DPP6: variants seen among roughly 807,000 people sequenced by gnomAD.
The protein encoded by DPP6 is dipeptidyl peptidase like 6.
In DPP6, 69 loss-of-function variants were observed where a neutral mutation model predicts 122.6. The ratio of observed to expected loss-of-function variants is 0.56; its 90% CI spans 0.46 to 0.69. DPP6 has a LOEUF of 0.69. DPP6 is among the 30% of genes least tolerant of loss of function. The pLI is 0.00. For missense variants in DPP6, 928 were observed against 1,116.9 expected, an observed-to-expected ratio of 0.83 and a Z score of 2.41; for synonymous variants, 418 against 433.1, an observed-to-expected ratio of 0.97 and a Z score of 0.43.
intron 1 of DPP6, among the ~76,000 whole-genome samples, chr7:153,912,237 G>C (rs1800122014): frequency 6.6e-6 from 1 of 152,196 alleles, no homozygotes. Context: ...TTTTTAAGGA[G>C]CTTTATTGGA....
At chr7:154,647,755 G>A (rs1262530569) in intron 6 of DPP6, among the ~76,000 whole-genome samples, 1 of 152,150 alleles carries the variant, frequency 6.6e-6, no homozygotes, top group Non-Finnish European at 1.5e-5. Flanking sequence ...TTTTAATTTT[G>A]GCTGTTGATC....
intron 7 of DPP6, among the ~76,000 whole-genome samples, chr7:154,680,807 A>G (rs1361002351): frequency 6.6e-6 from 1 of 152,140 alleles, no homozygotes. Context: ...CGCTTTTTGC[A>G]GAGAATCCAA....
chr7:154,314,598 A>AC (rs1807267032), intron 1 of DPP6, among the ~76,000 whole-genome samples: 1 of 152,222 alleles, frequency 6.6e-6, no homozygotes, highest in South Asian at 2.1e-4. Flanking sequence ...GTGTCAGCAG[A>AC]GCCCCAGGGC....
intron 1 of DPP6, among the ~76,000 whole-genome samples, chr7:154,216,393 T>C (rs4336525): frequency 0.032 from 4,870 of 152,282 alleles, 246 homozygotes; most frequent in African/African-American, 0.11. Context: ...GGTGTGGTCA[T>C]GTAGCCATCA....
At chr7:154,036,599 G>A (rs1372101435) in intron 1 of DPP6, among the ~76,000 whole-genome samples, 1 of 151,818 alleles carries the variant, frequency 6.6e-6, no homozygotes, top group Non-Finnish European at 1.5e-5. Context: ...TGGTGCACGG[G>A]CACATCATAC....
At chr7:154,003,204 C>T (rs1484148850) in intron 1 of DPP6, among the ~76,000 whole-genome samples, 5 of 152,164 alleles carry the variant, frequency 3.3e-5, no homozygotes, top group South Asian at 2.1e-4. Context: ...TTCTTATCAA[C>T]GTCGGTGACC....
chr7:154,410,425 AT>A (rs1235780821), intron 1 of DPP6, among the ~76,000 whole-genome samples: 1 of 152,262 alleles, frequency 6.6e-6, no homozygotes, highest in African/African-American at 2.4e-5. Context: ...TCAGTATTTC[AT>A]CAGGTATAAA....
chr7:154,497,530 A>G (rs1319925929), intron 3 of DPP6, among the ~76,000 whole-genome samples: 1 of 151,740 alleles, frequency 6.6e-6, no homozygotes, highest in Non-Finnish European at 1.5e-5. Flanking sequence ...AATCATTTGA[A>G]CTCGGGAGGT....
intron 1 of DPP6, among the ~76,000 whole-genome samples, chr7:154,066,323 G>A (rs1802721097): frequency 6.6e-6 from 1 of 152,312 alleles, no homozygotes; most frequent in African/African-American, 2.4e-5. Flanking sequence ...GCCTCCCAAA[G>A]TGTTGGGATT....
intron 7 of DPP6, among the ~76,000 whole-genome samples, chr7:154,688,053 G>T (rs1334194330): frequency 6.6e-6 from 1 of 152,168 alleles, no homozygotes; most frequent in Non-Finnish European, 1.5e-5. Flanking sequence ...AACACCACAC[G>T]TTCTTACTAC....
chr7:154,534,674 C>A (rs1457471438), intron 3 of DPP6, among the ~76,000 whole-genome samples: 1 of 152,080 alleles, frequency 6.6e-6, no homozygotes, highest in Non-Finnish European at 1.5e-5. Context: ...AATTCAACAT[C>A]TGTACATGAA....
At chr7:154,586,646 G>A (rs1437892363) in intron 5 of DPP6, among the ~76,000 whole-genome samples, 2 of 152,222 alleles carry the variant, frequency 1.3e-5, no homozygotes, top group Non-Finnish European at 2.9e-5. Flanking sequence ...GATTAGCTAA[G>A]CCAGAAAAAT....
intron 10 of DPP6, among the ~76,000 whole-genome samples, chr7:154,777,661 G>C (rs1398111730): frequency 1.3e-5 from 2 of 152,156 alleles, no homozygotes; most frequent in Non-Finnish European, 2.9e-5. Flanking sequence ...CGATCATTCT[G>C]AAGACATGTT....
intron 6 of DPP6, among the ~76,000 whole-genome samples, chr7:154,666,064 T>C (rs1023312189): frequency 6.6e-6 from 1 of 151,794 alleles, no homozygotes; most frequent in Non-Finnish European, 1.5e-5. Context: ...ATCAATCTGG[T>C]TCCTGGTTTC....
chr7:154,176,939 T>A (rs1797834309), intron 1 of DPP6, among the ~76,000 whole-genome samples: 1 of 152,190 alleles, frequency 6.6e-6, no homozygotes, highest in Non-Finnish European at 1.5e-5. Flanking sequence ...GCTCAAGCCA[T>A]CTTCCCACCT....
rs1190884038 is a variant in DPP6, at chr7:154,403,829, A to G, written c.244-42385A>G. 6.6e-6 allele frequency among the ~76,000 whole-genome samples: 1 copy of G among 152,204 alleles called. No homozygotes were observed. Among genetic ancestry groups the G allele is most frequent in the Non-Finnish European group, 1.5e-5 (1 of 68,034 alleles). On this transcript the variant is annotated intron_variant, in intron 1 of 25. Coordinates refer to ENST00000377770, the MANE Select transcript of DPP6 (RefSeq NM_130797.4). The surrounding 1 kb of genome is among the most constrained non-coding windows in gnomAD (Gnocchi z 4.1). ...AGGACAGCTCTTTATTTGGCTGTGA[A>G]TATCCACCACTGTCTTCCTACTTCT...
At chr7:153,985,058 G>A (rs1212483406) in intron 1 of DPP6, among the ~76,000 whole-genome samples, 1 of 152,214 alleles carries the variant, frequency 6.6e-6, no homozygotes, top group Non-Finnish European at 1.5e-5. Context: ...GGGAAAGATA[G>A]AGATTAAGAT....
intron 1 of DPP6, among the ~76,000 whole-genome samples, chr7:154,107,715 AT>A (rs953383211): frequency 2.0e-4 from 30 of 152,166 alleles, no homozygotes; most frequent in Non-Finnish European, 3.5e-4. Context: ...AGTTTTAAAC[AT>A]TTTTTTTAAA....
rs756255011 is a variant in DPP6 at position 154,727,809 on chromosome 7, G to A, written c.805G>A (p.Gly269Arg). 112 of 1,613,580 alleles carry A rather than the reference G, an allele frequency of 6.9e-5. No homozygotes were observed. The highest frequency in any genetic ancestry group is 3.3e-4 in the Middle Eastern group (2 of 6,084). ...CAATATCTACTACTGTGCACATGTC[G>A]GGAAACAGGCCATCCGTGTGGTCTC... ...ENNIYYCAHV[G>R]KQAIRVVSTG... Residue 269 changes from glycine (G) to arginine (R), a missense_variant, in exon 8 of 26, where the codon GGG becomes AGG. Coordinates refer to ENST00000377770, the MANE Select transcript of DPP6 (RefSeq NM_130797.4).
Sources: gnomAD v4.1 joint callset for allele counts (sites outside exome capture counted in the v4.1 genomes callset) on GRCh38, gnomAD v4.1.1 for gene constraint, Gnocchi (gnomAD v3.1) non-coding constraint, MANE v1.5 for transcripts, NCBI Gene and HGNC (gene_info 2026-07-23, HGNC 2026-07-21) for gene names.